Variants in DNAH14 observed in about 807,000 individuals in gnomAD.
DNAH14 encodes dynein axonemal heavy chain 14.
DNAH14 carries 478 observed loss-of-function variants against 520.9 expected under a neutral mutation model. The observed-to-expected ratio is 0.92, with a 90% CI of 0.85 to 0.99. The LOEUF (loss-of-function observed/expected upper bound fraction) is 0.99, where lower values mean the gene tolerates loss of function less well. Ranked by LOEUF, DNAH14 falls within the 50% of genes least tolerant of loss-of-function variation. DNAH14 has a pLI of 0.00. For missense variants in DNAH14, 4,831 were observed against 5,234.5 expected (o/e 0.92, Z 2.38); for synonymous variants, 1,581 against 1,757.2 (o/e 0.90, Z 2.51).
intron 35 of DNAH14, 48 bp from the exon 36 acceptor site, chr1:225,167,891 A>G (rs748772113): frequency 8.4e-6 from 9 of 1,073,318 alleles, no homozygotes; most frequent in East Asian, 2.8e-5. Flanking sequence ...AAAATTTAAG[A>G]GTTTCATTTG....
At chr1:225,257,466 T>C (rs1486196728) in intron 44 of DNAH14, among the ~76,000 whole-genome samples, 1 of 152,210 alleles carries the variant, frequency 6.6e-6, no homozygotes, top group Non-Finnish European at 1.5e-5. Flanking sequence ...TATTGTGACA[T>C]GATTACATTT....
rs1332960945 is a variant in DNAH14, at chr1:225,252,305, C to T, written c.6753C>T (p.Ile2251=). Residue 2251 remains isoleucine, a synonymous_variant, in exon 44 of 86, where the codon ATC becomes ATT. Transcript: ENST00000682510. The stretch of plus-strand genomic sequence containing the variant: ...ATTTATTATTTTCGGTTGTAGGCAT[C>T]AACCTACCAACTGGTGAATGTTCCA... ...ELFGNSSQVG[I]NLPTGECSIF... 8 of 1,538,558 alleles carry T rather than the reference C, an allele frequency of 5.2e-6. No homozygotes were observed. Among genetic ancestry groups the T allele is most frequent in the Non-Finnish European group, 7.0e-6 (8 of 1,135,726 alleles).
chr1:225,277,515 A>G lies in DNAH14; in HGVS notation c.8271+13A>G, dbSNP rs114021428. 949 of 470,680 alleles carry G rather than the reference A, an allele frequency of 2.0e-3. 7 individuals are homozygous for G. The highest frequency in any genetic ancestry group is 0.017 in the African/African-American group (867 of 50,164). The allele number at this position is 470,680 out of a possible 1,614,324, so 29.2% of individuals were successfully genotyped here. On this transcript the variant is annotated intron_variant, in intron 54 of 85. Coordinates refer to ENST00000682510, the MANE Select transcript of DNAH14 (RefSeq NM_001367479.1). ...TCACATGTTACTGGTAGGAATTTAA[A>G]TTTTTCAAGTGGTTTTAAGTTTACA...
At position 225,147,145 on chromosome 1, in the gene DNAH14, A is replaced by G. The variant is rs755394525; in HGVS notation, c.4836A>G (p.Ala1612=). The G allele has an allele frequency of 6.5e-6, 10 of 1,549,778 alleles. No homozygotes were observed. Among genetic ancestry groups the G allele is most frequent in the African/African-American group, 1.4e-5 (1 of 72,940 alleles). ...TCTTTGGACTAGTTCAGTCAGGAGC[A>G]TGGAGTTGTTTTGATGAATTCAATC... ...KFFFGLVQSG[A]WSCFDEFNLI... The change falls in exon 31 of 86, where the codon GCA becomes GCG. Residue 1612 remains alanine, a synonymous_variant. Coordinates refer to ENST00000682510, the MANE Select transcript of DNAH14 (RefSeq NM_001367479.1).
At chr1:225,341,265 C>T (rs913488874) in intron 69 of DNAH14, among the ~76,000 whole-genome samples, 5 of 152,000 alleles carry the variant, frequency 3.3e-5, no homozygotes, top group African/African-American at 7.3e-5. Flanking sequence ...CCACCACACC[C>T]GACTTAATAA....
chr1:225,119,347 C>CAT (rs1004833583), intron 26 of DNAH14, 53 bp downstream of exon 26: 87 of 1,217,392 alleles, frequency 7.1e-5, no homozygotes, highest in African/African-American at 1.9e-4. Flanking sequence ...TATACTTGCA[C>CAT]ATATATATAT....
intron 23 of DNAH14, among the ~76,000 whole-genome samples, chr1:225,111,946 G>C (rs2076513256): frequency 6.6e-6 from 1 of 151,880 alleles, no homozygotes; most frequent in Admixed American, 6.6e-5. Context: ...GTTTAACTTT[G>C]TCCCCCTTTT....
chr1:224,993,664 T>G (rs1424585843), intron 8 of DNAH14, among the ~76,000 whole-genome samples: 1 of 151,962 alleles, frequency 6.6e-6, no homozygotes, highest in Non-Finnish European at 1.5e-5. Context: ...AAATTATTTT[T>G]TCTAGACTCT....
At chr1:224,986,772 A>G (rs2062674838) in intron 8 of DNAH14, among the ~76,000 whole-genome samples, 1 of 152,222 alleles carries the variant, frequency 6.6e-6, no homozygotes. Context: ...TATGGAATAC[A>G]ACAAAGATGC....
chr1:225,115,201 G>A (rs1205247341), intron 23 of DNAH14, among the ~76,000 whole-genome samples: 1 of 149,538 alleles, frequency 6.7e-6, no homozygotes, highest in East Asian at 1.9e-4. Flanking sequence ...AGCTGGCGGA[G>A]GGGTGACACA....
At chr1:224,993,904 TTTTTAAATTTCA>T (rs1414066058) in intron 8 of DNAH14, among the ~76,000 whole-genome samples, 1 of 152,096 alleles carries the variant, frequency 6.6e-6, no homozygotes, top group Admixed American at 6.6e-5. Context: ...TCTCAAGATA[TTTTTAAATTTCA>T]TTTTTAATTT....
chr1:225,273,293 G>C (rs193003563), intron 52 of DNAH14, among the ~76,000 whole-genome samples, 168 bp downstream of exon 52: 1 of 152,170 alleles, frequency 6.6e-6, no homozygotes, highest in African/African-American at 2.4e-5. Context: ...TTAGCCGGGC[G>C]TGGTGATGGG....
At chr1:225,231,020 G>A in intron 41 of DNAH14, 53 bp from the exon 42 acceptor site, 1 of 1,316,014 alleles carries the variant, frequency 7.6e-7, no homozygotes, top group South Asian at 1.4e-5. Flanking sequence ...TAGTTTACCA[G>A]ATAAATTTTA....
In DNAH14 at chr1:225,366,338, A is replaced by C. The variant is rs1176875183; in HGVS notation, c.12090+1444A>C. Among the ~76,000 whole-genome samples the C allele has an allele frequency of 4.6e-5, 7 of 152,228 alleles. No individual in the cohort carries two copies. In the East Asian group the frequency reaches 1.3e-3, roughly 29 times the overall value. On this transcript the variant is annotated intron_variant, in intron 76 of 85. Coordinates refer to ENST00000682510, the MANE Select transcript of DNAH14 (RefSeq NM_001367479.1). ...CCACTTCTAGGAAAAGGCCAAATAA[A>C]TTATGATGTATTTGTGTGATAAAAT...
intron 17 of DNAH14, among the ~76,000 whole-genome samples, chr1:225,062,357 T>C (rs1412621946): frequency 6.6e-6 from 1 of 152,010 alleles, no homozygotes; most frequent in East Asian, 1.9e-4. Context: ...CTTCAGACAC[T>C]GATTAGTGTC....
At chr1:225,327,524 C>T (rs1477764609) in intron 64 of DNAH14, among the ~76,000 whole-genome samples, 1 of 152,034 alleles carries the variant, frequency 6.6e-6, no homozygotes, top group Admixed American at 6.6e-5. Flanking sequence ...TCAGAAAATA[C>T]TTAGAGACAA....
intron 81 of DNAH14, among the ~76,000 whole-genome samples, chr1:225,382,488 C>A (rs980181463): frequency 6.6e-6 from 1 of 152,032 alleles, no homozygotes; most frequent in African/African-American, 2.4e-5. Context: ...GGCGGATCAC[C>A]TGAGGTTAGG....
chr1:225,008,575 C>CTTTTTTTTTTTTTTTTTTTTTTTTTT (rs57331050), intron 10 of DNAH14, among the ~76,000 whole-genome samples: 1 of 98,308 alleles, frequency 1.0e-5, no homozygotes. Flanking sequence ...TTTTTCCTGA[C>CTTTTTTTTTTTTTTTTTTTTTTTTTT]TTTTTTTTTT....
In DNAH14 at chr1:225,119,240, C is replaced by T. The variant is rs1452001078; in HGVS notation, c.4112C>T (p.Ala1371Val). 3 of 1,526,156 alleles carry T rather than the reference C, an allele frequency of 2.0e-6. No homozygotes were observed. The highest frequency in any genetic ancestry group is 3.5e-4 in the Middle Eastern group (2 of 5,748). 94.5% of individuals were successfully genotyped at this position (1,526,156 alleles called of 1,614,324 possible). Residue 1371 changes from alanine (A) to valine (V), a missense_variant, in exon 26 of 86, where the codon GCT becomes GTT. Ala to Val is a moderately conservative substitution (Grantham distance 64). Coordinates refer to ENST00000682510, the MANE Select transcript of DNAH14 (RefSeq NM_001367479.1). ...VLPKKIRVRSAVEQWLVNVEK... is the reference protein window; with the variant it reads ...VLPKKIRVRSVVEQWLVNVEK... ...TTTAGGAAAATTCGTGTAAGAAGTG[C>T]TGTAGAACAGTGGCTGGTAAATGTA...
Sources: allele counts gnomAD v4.1 joint callset (sites outside exome capture counted in the v4.1 genomes callset), GRCh38; gene constraint gnomAD v4.1.1; transcripts MANE v1.5; gene names NCBI Gene and HGNC (gene_info 2026-07-23, HGNC 2026-07-21).